RTL4: variants seen among roughly 807,000 people sequenced by gnomAD.
RTL4 encodes the protein retrotransposon Gag like 4, also known as retrotransposon Gag-like protein 4.
Under a neutral mutation model 5.3 loss-of-function variants are expected in RTL4, and 4 were observed. That is an observed-to-expected ratio of 0.75 (90% CI 0.37 to 1.72). RTL4 has a LOEUF of 1.72. Ranked by LOEUF, RTL4 falls within the 40% of genes most tolerant of loss-of-function variation. RTL4 has a pLI of 0.04. For synonymous variants in RTL4, 98 were observed against 87.3 expected, an observed-to-expected ratio of 1.12 and a Z score of -0.68; for missense variants, 260 against 227.1, an observed-to-expected ratio of 1.14 and a Z score of -0.93.
the RTL4 span, among the ~76,000 whole-genome samples, chrX:112,327,168 C>T: frequency 1.8e-5 from 2 of 112,305 alleles, no homozygotes; most frequent in Non-Finnish European, 3.8e-5. Flanking sequence ...ATGACTTTGA[C>T]GAGCTCAGTG....
At chrX:112,333,288 TAA>T in the RTL4 span, among the ~76,000 whole-genome samples, 1 of 111,051 alleles carries the variant, frequency 9.0e-6, no homozygotes, top group Non-Finnish European at 1.9e-5. Flanking sequence ...ATAGGATGAA[TAA>T]GTCTGGAGAT....
chrX:112,214,827 T>C, the RTL4 span, among the ~76,000 whole-genome samples: 1 of 110,821 alleles, frequency 9.0e-6, no homozygotes, highest in Non-Finnish European at 1.9e-5. Context: ...CTCTCTCTGT[T>C]GCCCAGGCTG....
chrX:112,140,608 A>G, the RTL4 span, among the ~76,000 whole-genome samples: 62 of 110,776 alleles, frequency 5.6e-4, no homozygotes, highest in Middle Eastern at 4.7e-3. Context: ...AAGGGCAAAC[A>G]GGCTTCCTCA....
the RTL4 span, among the ~76,000 whole-genome samples, chrX:112,159,000 A>T: frequency 8.9e-6 from 1 of 112,180 alleles, no homozygotes; most frequent in Non-Finnish European, 1.9e-5. Context: ...CTGTGTTTTA[A>T]AATTTTACAA....
chrX:112,280,447 T>C, the RTL4 span, among the ~76,000 whole-genome samples: 1 of 111,530 alleles, frequency 9.0e-6, no homozygotes, highest in Non-Finnish European at 1.9e-5. Context: ...CCTGTACATG[T>C]ATCCACTGAA....
the RTL4 span, among the ~76,000 whole-genome samples, chrX:112,342,539 C>T: frequency 1.3e-5 from 1 of 79,719 alleles, no homozygotes; most frequent in African/African-American, 4.5e-5. Context: ...TTTGCTTGAA[C>T]ATCTCCAGGG....
chrX:112,398,721 T>C, the RTL4 span, among the ~76,000 whole-genome samples: 1 of 111,918 alleles, frequency 8.9e-6, no homozygotes, highest in Admixed American at 9.4e-5. Context: ...TTTTCTAAAA[T>C]GTTGTTAACT....
At chrX:112,308,609 C>T in the RTL4 span, among the ~76,000 whole-genome samples, 1 of 111,644 alleles carries the variant, frequency 9.0e-6, no homozygotes, top group African/African-American at 3.3e-5. Context: ...TCTTTCTGGT[C>T]AGATTTCTCC....
chrX:112,370,282 C>T, the RTL4 span, among the ~76,000 whole-genome samples: 1 of 111,094 alleles, frequency 9.0e-6, no homozygotes, highest in African/African-American at 3.3e-5. Flanking sequence ...TAGCAGCAGC[C>T]AACCTGCCCC....
the RTL4 span, among the ~76,000 whole-genome samples, chrX:112,191,824 A>G: frequency 8.9e-6 from 1 of 111,860 alleles, no homozygotes; most frequent in African/African-American, 3.2e-5. Flanking sequence ...GAATCTGTAG[A>G]TCAGTTTGAG....
chrX:112,185,376 A>AATATATAT, the RTL4 span, among the ~76,000 whole-genome samples: 860 of 85,257 alleles, frequency 0.01, 10 homozygotes, highest in African/African-American at 0.03. Context: ...CTATTTTATT[A>AATATATAT]ATATATATAT....
chrX:112,194,994 A>G, the RTL4 span, among the ~76,000 whole-genome samples: 2 of 112,207 alleles, frequency 1.8e-5, no homozygotes, highest in African/African-American at 6.5e-5. Flanking sequence ...CATGAGCAAA[A>G]GCATGGAAGT....
the RTL4 span, among the ~76,000 whole-genome samples, chrX:112,180,920 C>T: frequency 8.9e-6 from 1 of 112,178 alleles, no homozygotes; most frequent in Admixed American, 9.4e-5. Context: ...CTCCAGTCTG[C>T]AGCTCCCAGT....
At chrX:112,231,307 G>C in the RTL4 span, among the ~76,000 whole-genome samples, 10 of 110,102 alleles carry the variant, frequency 9.1e-5, no homozygotes, top group African/African-American at 2.6e-4. Flanking sequence ...CAATAGCAAA[G>C]ACTTGGAACC....
At chrX:112,169,003 CCTTT>C in the RTL4 span, among the ~76,000 whole-genome samples, 28 of 70,682 alleles carry the variant, frequency 4.0e-4, no homozygotes, top group Non-Finnish European at 6.1e-4. Context: ...TCCTTTCTTT[CCTTT>C]CTTTCTTTCT....
At chrX:112,324,987 C>A in the RTL4 span, among the ~76,000 whole-genome samples, 1 of 111,544 alleles carries the variant, frequency 9.0e-6, no homozygotes, top group Non-Finnish European at 1.9e-5. Context: ...AAATCACAAG[C>A]ATTCTTATAC....
At chrX:112,261,833 A>T in the RTL4 span, among the ~76,000 whole-genome samples, 1 of 112,006 alleles carries the variant, frequency 8.9e-6, no homozygotes, top group Non-Finnish European at 1.9e-5. Flanking sequence ...TGGTACTGGT[A>T]CCAAAACAGA....
At chrX:112,428,555 G>A in the RTL4 span, among the ~76,000 whole-genome samples, 1 of 111,156 alleles carries the variant, frequency 9.0e-6, no homozygotes, top group Non-Finnish European at 1.9e-5. Context: ...ATTTGTCAAG[G>A]GGTATTTTCT....
the RTL4 span, among the ~76,000 whole-genome samples, chrX:112,390,150 TATATATATATTTAG>T: frequency 1.9e-5 from 1 of 53,481 alleles, no homozygotes; most frequent in African/African-American, 7.4e-5. Flanking sequence ...TATATATATA[TATATATATATTTAG>T]GATCGTGGCC....
Sources: gnomAD v4.1 joint callset for allele counts (sites outside exome capture counted in the v4.1 genomes callset) on GRCh38, gnomAD v4.1.1 for gene constraint, MANE v1.5 for transcripts, NCBI Gene and HGNC (gene_info 2026-07-23, HGNC 2026-07-21) for gene names.